PAPPA2: variants seen among roughly 807,000 people sequenced by gnomAD.
PAPPA2 encodes the protein pappalysin-2.
In PAPPA2, 86 loss-of-function variants were observed where a neutral mutation model predicts 176.4. That is an observed-to-expected ratio of 0.49 (90% CI 0.41 to 0.58). The LOEUF (loss-of-function observed/expected upper bound fraction) is 0.58. Among genes scored for constraint, PAPPA2 ranks in the 20% least tolerant of loss-of-function variants. PAPPA2 has a pLI of 0.00. For synonymous variants in PAPPA2, 809 were observed against 852.2 expected, an observed-to-expected ratio of 0.95 and a Z score of 0.88; for missense variants, 2,073 against 2,256.9, an observed-to-expected ratio of 0.92 and a Z score of 1.65.
chr1:176,539,406 C>T (rs1018049736), intron 1 of PAPPA2, among the ~76,000 whole-genome samples: 10 of 152,224 alleles, frequency 6.6e-5, no homozygotes, highest in Admixed American at 1.3e-4. Context: ...GAGGAAATCC[C>T]TTACACATGG....
At chr1:176,476,057 C>T (rs1316608360) in intron 1 of PAPPA2, among the ~76,000 whole-genome samples, 1 of 152,150 alleles carries the variant, frequency 6.6e-6, no homozygotes, top group Non-Finnish European at 1.5e-5. Flanking sequence ...AATTTTGGAG[C>T]AAAGACTATT....
chr1:176,503,004 G>A (rs564023733), intron 1 of PAPPA2, among the ~76,000 whole-genome samples: 37 of 152,232 alleles, frequency 2.4e-4, no homozygotes, highest in African/African-American at 7.2e-4. Context: ...TGCAAATTTC[G>A]TGGTTTAAAA....
chr1:176,633,149 A>G (rs1405292195), intron 3 of PAPPA2, among the ~76,000 whole-genome samples: 1 of 152,226 alleles, frequency 6.6e-6, no homozygotes, highest in Non-Finnish European at 1.5e-5. Context: ...ACTTGCTAGC[A>G]TGAGGAGCGG....
chr1:176,791,451 G>GA lies in PAPPA2; in HGVS notation c.4989_4990insA (p.Glu1664ArgfsTer5). On this transcript the variant is annotated frameshift_variant, in exon 19 of 23. Coordinates refer to ENST00000367662, the MANE Select transcript of PAPPA2 (RefSeq NM_020318.3). LOFTEE classifies it high-confidence loss of function. ...CACCCCCCTCAGAGCTGAATTCTGT[G>GA]GAGTACAAATGTGAACAAGGATATG... The GA allele has an allele frequency of 6.2e-7, 1 of 1,613,838 alleles. No homozygotes were observed. Among genetic ancestry groups the GA allele is most frequent in the Non-Finnish European group, 8.5e-7 (1 of 1,179,824 alleles).
chr1:176,476,710 A>G (rs1447965956), intron 1 of PAPPA2, among the ~76,000 whole-genome samples: 1 of 152,200 alleles, frequency 6.6e-6, no homozygotes, highest in African/African-American at 2.4e-5. Flanking sequence ...TGGAACCATG[A>G]CTAGGATGAT....
chr1:176,840,055 G>A (rs1239131541), intron 21 of PAPPA2, 118 bp from the exon 22 acceptor site: 3 of 763,890 alleles, frequency 3.9e-6, no homozygotes, highest in Non-Finnish European at 4.3e-6. Context: ...CTGCACCTTG[G>A]GTGCTTTTCT....
intron 5 of PAPPA2, among the ~76,000 whole-genome samples, chr1:176,691,788 C>T (rs1440411422): frequency 6.6e-6 from 1 of 152,208 alleles, no homozygotes; most frequent in Non-Finnish European, 1.5e-5. Flanking sequence ...ACTCCACAAA[C>T]GTTCACAAGT....
chr1:176,818,009 G>A (rs1666475765), intron 21 of PAPPA2, among the ~76,000 whole-genome samples: 1 of 152,096 alleles, frequency 6.6e-6, no homozygotes, highest in Non-Finnish European at 1.5e-5. Context: ...AGCCAGTCAA[G>A]GGGACAGAGG....
At chr1:176,763,526 T>C (rs1243734493) in intron 14 of PAPPA2, among the ~76,000 whole-genome samples, 1 of 152,216 alleles carries the variant, frequency 6.6e-6, no homozygotes, top group Non-Finnish European at 1.5e-5. Context: ...TTGCTCTCTA[T>C]AACATGAACA....
intron 7 of PAPPA2, among the ~76,000 whole-genome samples, chr1:176,698,796 C>T (rs1415583675): frequency 5.3e-5 from 8 of 152,196 alleles, no homozygotes; most frequent in Non-Finnish European, 7.3e-5. Context: ...TGTTTAAGGA[C>T]ATGACTTCTC....
intron 2 of PAPPA2, among the ~76,000 whole-genome samples, chr1:176,567,365 C>CA (rs538262852): frequency 1.4e-3 from 214 of 152,292 alleles, no homozygotes; most frequent in African/African-American, 4.9e-3. Context: ...TCAAGACGAG[C>CA]AAGTATGGCT....
chr1:176,775,773 G>A (rs1346189766), intron 17 of PAPPA2, among the ~76,000 whole-genome samples: 8 of 152,146 alleles, frequency 5.3e-5, no homozygotes, highest in South Asian at 2.1e-4. Flanking sequence ...TGGTCTAGTC[G>A]AACTTTTGAT....
chr1:176,789,265 A>G (rs1665072552), intron 17 of PAPPA2, among the ~76,000 whole-genome samples: 1 of 152,246 alleles, frequency 6.6e-6, no homozygotes, highest in East Asian at 1.9e-4. Flanking sequence ...GCATGGATGA[A>G]GCTGGAAACC....
chr1:176,693,055 A>G (rs1462223543), intron 6 of PAPPA2, among the ~76,000 whole-genome samples: 1 of 152,208 alleles, frequency 6.6e-6, no homozygotes, highest in Non-Finnish European at 1.5e-5. Context: ...TTTTGTAGAA[A>G]GGAGAGAAAG....
intron 2 of PAPPA2, among the ~76,000 whole-genome samples, chr1:176,566,685 C>T (rs767781526): frequency 2.0e-5 from 3 of 152,194 alleles, no homozygotes; most frequent in Non-Finnish European, 4.4e-5. Context: ...AGCCCACATA[C>T]ATCCAACTAT....
intron 6 of PAPPA2, among the ~76,000 whole-genome samples, chr1:176,694,054 C>T (rs1464999674): frequency 6.6e-6 from 1 of 152,190 alleles, no homozygotes; most frequent in Non-Finnish European, 1.5e-5. Context: ...GACCTCCCAA[C>T]ATGTGTGTCA....
At chr1:176,567,080 A>G (rs1652029098) in intron 2 of PAPPA2, among the ~76,000 whole-genome samples, 1 of 152,212 alleles carries the variant, frequency 6.6e-6, no homozygotes, top group African/African-American at 2.4e-5. Flanking sequence ...AACCTTCCAG[A>G]AAGCATATTT....
intron 12 of PAPPA2, among the ~76,000 whole-genome samples, chr1:176,729,707 G>T (rs1023659329): frequency 2.0e-5 from 3 of 152,016 alleles, no homozygotes; most frequent in African/African-American, 7.2e-5. Context: ...CATTGTGCAT[G>T]GCCAAGAAGT....
At chr1:176,838,463 G>T (rs1320628891) in intron 21 of PAPPA2, among the ~76,000 whole-genome samples, 5 of 152,300 alleles carry the variant, frequency 3.3e-5, no homozygotes, top group Non-Finnish European at 7.4e-5. Context: ...AAAAGTAACA[G>T]ATGTAGTGCT....
Sources: gnomAD v4.1 joint callset for allele counts (sites outside exome capture counted in the v4.1 genomes callset) on GRCh38, gnomAD v4.1.1 for gene constraint, MANE v1.5 for transcripts, NCBI Gene and HGNC (gene_info 2026-07-23, HGNC 2026-07-21) for gene names.